The following PIAS4 variants were observed in gnomAD, a reference collection of about 807,000 sequenced individuals.
PIAS4 encodes protein inhibitor of activated STAT 4.
A neutral mutation model predicts 58.0 loss-of-function variants in PIAS4; 7 were observed. The ratio of observed to expected loss-of-function variants is 0.12; its 90% CI spans 0.07 to 0.23. The LOEUF (loss-of-function observed/expected upper bound fraction) is 0.23. PIAS4 is among the 10% of genes least tolerant of loss of function. The pLI is 1.00. For missense variants in PIAS4, 550 were observed against 709.5 expected (o/e 0.78, Z 2.55); for synonymous variants, 364 against 312.4 (o/e 1.17, Z -1.74).
At chr19:4,011,679 G>A (rs1420934115) in intron 1 of PIAS4, among the ~76,000 whole-genome samples, 1 of 133,886 alleles carries the variant, frequency 7.5e-6, no homozygotes, top group Non-Finnish European at 1.7e-5. Flanking sequence ...TGTGGGGGGT[G>A]TGGAGGTGTG....
chr19:4,030,073 C>T (rs1387454278), intron 7 of PIAS4, among the ~76,000 whole-genome samples: 1 of 151,642 alleles, frequency 6.6e-6, no homozygotes, highest in African/African-American at 2.4e-5. Flanking sequence ...CCGCTTGCCT[C>T]GGCCTCCCAA....
intron 3 of PIAS4, 143 bp downstream of exon 3, chr19:4,024,263 G>A: frequency 1.5e-6 from 1 of 665,374 alleles, no homozygotes; most frequent in Non-Finnish European, 2.7e-6. Flanking sequence ...CAGTGGCCGG[G>A]TTTGCTTCCT....
chr19:4,017,265 A>G (rs1205153003), intron 2 of PIAS4, among the ~76,000 whole-genome samples: 1 of 152,020 alleles, frequency 6.6e-6, no homozygotes, highest in Non-Finnish European at 1.5e-5. Flanking sequence ...AGCCACCCCC[A>G]TGTCCCGCTA....
chr19:4,036,396 A>G (rs1034333749), intron 9 of PIAS4, among the ~76,000 whole-genome samples: 11 of 133,902 alleles, frequency 8.2e-5, no homozygotes, highest in African/African-American at 2.9e-4. Flanking sequence ...ACACGTCTAT[A>G]CAGTCCACAC....
In PIAS4 at chr19:4,028,802, C is replaced by T; in HGVS notation, c.755C>T (p.Ser252Phe). ...AACCTCACCCACCTCATGTACCTGT[C>T]CTCGGCCACCAACCGCATCACTGTC... is the stretch of plus-strand genomic sequence containing the variant. ...PINLTHLMYL[S>F]SATNRITVTW... The change falls in exon 6 of 11, where the codon TCC becomes TTC. Residue 252 changes from serine (S) to phenylalanine (F), a missense_variant. Physicochemically the swap from Ser to Phe is radical, Grantham distance 155 (BLOSUM62 -2). Coordinates refer to ENST00000262971, the MANE Select transcript of PIAS4 (RefSeq NM_015897.4). The T allele has an allele frequency of 6.2e-7, 1 of 1,613,664 alleles. No individual in the cohort carries two copies. Among genetic ancestry groups the T allele is most frequent in the Non-Finnish European group, 8.5e-7 (1 of 1,179,958 alleles).
intron 1 of PIAS4, among the ~76,000 whole-genome samples, chr19:4,010,870 G>A (rs1050040956): frequency 6.6e-5 from 10 of 152,330 alleles, no homozygotes; most frequent in South Asian, 2.1e-4. Flanking sequence ...GGCTTCTCCC[G>A]AGGCTCTTTG....
At chr19:4,032,161 T>G (rs1184058138) in intron 7 of PIAS4, among the ~76,000 whole-genome samples, 2 of 143,252 alleles carry the variant, frequency 1.4e-5, no homozygotes, top group African/African-American at 5.3e-5. Flanking sequence ...CAATAAGGGG[T>G]GGTAGGGGCA....
Position 4,038,296 on chromosome 19 carries a change from G to A in PIAS4, c.*421G>A, listed in dbSNP as rs534373385. On this transcript the variant is annotated 3_prime_UTR_variant, in exon 11 of 11. Transcript: ENST00000262971. The surrounding 1 kb of genome is among the most constrained non-coding windows in gnomAD (Gnocchi z 4.1). ...TGCGCGGGGACCCGGGCGGCGGGCG[G>A]TGGGGCGCAGCCCCTCTCTGGCGAC... The A allele has an allele frequency of 4.5e-4, 69 of 153,880 alleles. No individual in the cohort carries two copies. Among genetic ancestry groups the A allele is most frequent in the African/African-American group, 1.6e-3 (65 of 41,558 alleles). The allele number at this position is 153,880 out of a possible 1,614,324, so 9.5% of individuals were successfully genotyped here. A position where few individuals can be genotyped will look rare whatever the true frequency, so the allele number is the denominator to read the frequency against.
intron 2 of PIAS4, among the ~76,000 whole-genome samples, chr19:4,022,910 GC>G (rs1310966908): frequency 8.6e-5 from 13 of 151,184 alleles, no homozygotes; most frequent in Non-Finnish European, 1.5e-5. Context: ...CGTAGCTCAT[GC>G]CTGTAATTCC....
At position 4,037,356 on chromosome 19, in the gene PIAS4, C is replaced by T. The variant is rs968711801; in HGVS notation, c.1143-18C>T. Reference sequence around the variant, plus strand: ...GGGGCACCTCCAGCCCCGGCGTCAGCTGTCCGCCTCGCCCCAGGCTCCTCT... The same window carrying T: ...GGGGCACCTCCAGCCCCGGCGTCAGTTGTCCGCCTCGCCCCAGGCTCCTCT... On this transcript the variant is annotated intron_variant, in intron 9 of 10. Coordinates refer to ENST00000262971, the MANE Select transcript of PIAS4 (RefSeq NM_015897.4). The surrounding 1 kb of genome is among the most constrained non-coding windows in gnomAD (Gnocchi z 5.8). 5.7e-6 allele frequency: 9 copies of T among 1,592,868 alleles called. No homozygotes were observed. In the African/African-American group the frequency reaches 1.2e-4, roughly 21 times the overall value.
Position 4,033,154 on chromosome 19 carries a change from G to A in PIAS4, c.962G>A (p.Arg321Gln). The change falls in exon 8 of 11, where the codon CGG becomes CAG. Residue 321 changes from arginine (R) to glutamine (Q), a missense_variant. By Grantham distance (43) the Arg-to-Gln change is conservative. Coordinates refer to ENST00000262971, the MANE Select transcript of PIAS4 (RefSeq NM_015897.4). ...PDSEIATTGV[R>Q]VSLICPLVKM... is the part of the protein sequence containing the mutation. ...AGCGAGATCGCCACCACCGGTGTGC[G>A]GGTGTCCCTCATCTGTCCGGTGAGT... 5 of 1,610,624 alleles carry A rather than the reference G, an allele frequency of 3.1e-6. No individual in the cohort carries two copies. The highest frequency in any genetic ancestry group is 4.2e-6 in the Non-Finnish European group (5 of 1,179,700).
At chr19:4,017,396 A>C (rs1169000285) in intron 2 of PIAS4, among the ~76,000 whole-genome samples, 1 of 152,042 alleles carries the variant, frequency 6.6e-6, no homozygotes, top group Non-Finnish European at 1.5e-5. Context: ...GCAGCCTGTG[A>C]ATGTTTTCAC....
At chr19:4,019,157 A>G (rs991470511) in intron 2 of PIAS4, among the ~76,000 whole-genome samples, 7 of 152,156 alleles carry the variant, frequency 4.6e-5, no homozygotes, top group Non-Finnish European at 8.8e-5. Flanking sequence ...CATGGATGCC[A>G]CCTGGGTTTC....
intron 3 of PIAS4, among the ~76,000 whole-genome samples, chr19:4,027,241 G>A (rs963360258): frequency 6.6e-6 from 1 of 152,164 alleles, no homozygotes; most frequent in Non-Finnish European, 1.5e-5. Flanking sequence ...ACCCACCTCC[G>A]CCTCCCAAAG....
intron 2 of PIAS4, among the ~76,000 whole-genome samples, chr19:4,021,286 T>A (rs2040106442): frequency 6.6e-6 from 1 of 152,138 alleles, no homozygotes; most frequent in East Asian, 1.9e-4. Flanking sequence ...GTAGCTGGGA[T>A]TAGAGGCGTG....
intron 1 of PIAS4, among the ~76,000 whole-genome samples, chr19:4,012,520 C>T (rs553824351): frequency 1.3e-5 from 2 of 152,252 alleles, no homozygotes; most frequent in East Asian, 3.9e-4. Context: ...ATGTCATTAT[C>T]CTCCCGACGT....
intron 2 of PIAS4, among the ~76,000 whole-genome samples, chr19:4,023,826 G>C (rs963317125): frequency 5.9e-5 from 9 of 152,264 alleles, no homozygotes; most frequent in African/African-American, 2.2e-4. Context: ...ACAGGACACA[G>C]GCCATGGTGA....
chr19:4,015,485 GCT>G (rs1295510767), intron 2 of PIAS4, among the ~76,000 whole-genome samples: 1 of 152,104 alleles, frequency 6.6e-6, no homozygotes, highest in African/African-American at 2.4e-5. Flanking sequence ...TCTCCCACTG[GCT>G]CTCTCTCCAT....
At chr19:4,030,074 G>C (rs564988271) in intron 7 of PIAS4, among the ~76,000 whole-genome samples, 1 of 151,082 alleles carries the variant, frequency 6.6e-6, no homozygotes, top group Non-Finnish European at 1.5e-5. Flanking sequence ...CGCTTGCCTC[G>C]GCCTCCCAAA....
Sources: gnomAD v4.1 joint callset for allele counts (sites outside exome capture counted in the v4.1 genomes callset) on GRCh38, gnomAD v4.1.1 for gene constraint, Gnocchi (gnomAD v3.1) non-coding constraint, MANE v1.5 for transcripts, NCBI Gene and HGNC (gene_info 2026-07-23, HGNC 2026-07-21) for gene names.